ZCCHC4: variants seen among roughly 807,000 people sequenced by gnomAD.
The protein encoded by ZCCHC4 is rRNA N(6)-adenosine-methyltransferase ZCCHC4.
ZCCHC4 carries 54 observed loss-of-function variants against 67.7 expected under a neutral mutation model. That is an observed-to-expected ratio of 0.80 (90% CI 0.64 to 1.00). ZCCHC4 has a LOEUF of 1.00. Ranked by LOEUF, ZCCHC4 falls within the 50% of genes least tolerant of loss-of-function variation. The pLI, the probability that ZCCHC4 is intolerant of heterozygous loss-of-function variation, is 0.00. For synonymous variants in ZCCHC4, 198 were observed against 213.5 expected (o/e 0.93, Z 0.63); for missense variants, 609 against 617.0 (o/e 0.99, Z 0.14).
At chr4:25,326,548 C>T (rs572094395) in intron 3 of ZCCHC4, among the ~76,000 whole-genome samples, 85 of 152,222 alleles carry the variant, frequency 5.6e-4, no homozygotes, top group African/African-American at 2.0e-3. Flanking sequence ...TTCCCTTGAC[C>T]TATAGGTATA....
At chr4:25,327,467 C>T (rs1718951460) in intron 3 of ZCCHC4, among the ~76,000 whole-genome samples, 1 of 150,134 alleles carries the variant, frequency 6.7e-6, no homozygotes, top group African/African-American at 2.5e-5. Context: ...GCTTCGTCCC[C>T]CACCACCCTT....
At chr4:25,315,872 C>T (rs569542478) in intron 3 of ZCCHC4, among the ~76,000 whole-genome samples, 4 of 152,190 alleles carry the variant, frequency 2.6e-5, no homozygotes, top group African/African-American at 9.6e-5. Context: ...GCCACCACAC[C>T]CAGCTAATTT....
chr4:25,335,241 G>C (rs1719395718), intron 5 of ZCCHC4, among the ~76,000 whole-genome samples: 1 of 152,206 alleles, frequency 6.6e-6, no homozygotes, highest in Non-Finnish European at 1.5e-5. Context: ...GAGGTCAGGA[G>C]TGCAAGACCA....
chr4:25,357,082 G>T (rs1720549097), intron 8 of ZCCHC4, among the ~76,000 whole-genome samples: 1 of 152,142 alleles, frequency 6.6e-6, no homozygotes, highest in Admixed American at 6.6e-5. Flanking sequence ...TTCTCATATG[G>T]AGATAAAATA....
At chr4:25,361,779 T>C in intron 8 of ZCCHC4, 80 bp from the exon 9 acceptor site, 1 of 1,378,104 alleles carries the variant, frequency 7.3e-7, no homozygotes, top group Admixed American at 2.2e-5. Context: ...GGCATCAGTT[T>C]GTTCGTTTAT....
Position 25,364,428 on chromosome 4 carries a change from T to G in ZCCHC4, c.1210-26T>G, listed in dbSNP as rs569322403. 2.7e-6 allele frequency: 4 copies of G among 1,477,858 alleles called. No homozygotes were observed. In the South Asian group the frequency reaches 5.8e-5, roughly 21 times the overall value. The allele number at this position is 1,477,858 out of a possible 1,614,324, so 91.5% of individuals were successfully genotyped here. A position where few individuals can be genotyped will look rare whatever the true frequency, so the allele number is the denominator to read the frequency against. ...TTTTTAATAACAAATTAATTATAAT[T>G]TAAAAATTGTTTTTTTTTTTGGTAG... On this transcript the variant is annotated intron_variant, in intron 10 of 12. Coordinates refer to ENST00000302874, the MANE Select transcript of ZCCHC4 (RefSeq NM_024936.3).
At chr4:25,333,831 T>C in intron 4 of ZCCHC4, 77 bp from the exon 5 acceptor site, 1 of 976,742 alleles carries the variant, frequency 1.0e-6, no homozygotes, top group Non-Finnish European at 1.5e-6. Context: ...AGAACATTGA[T>C]GGTTTTGTTG....
intron 1 of ZCCHC4, among the ~76,000 whole-genome samples, chr4:25,313,758 C>A (rs1021744691): frequency 2.6e-5 from 4 of 151,872 alleles, no homozygotes; most frequent in Non-Finnish European, 4.4e-5. Context: ...CCCAGCTACT[C>A]GGGATGCTGA....
At chr4:25,352,128 A>C (rs1720329251) in intron 8 of ZCCHC4, 1 of 986,350 alleles carries the variant, frequency 1.0e-6, no homozygotes, top group Non-Finnish European at 1.2e-6. Flanking sequence ...TGCACACTTT[A>C]CTGCATCACT....
Position 25,345,855 on chromosome 4 carries a change from C to T in ZCCHC4, c.759+235C>T, listed in dbSNP as rs574491869. On this transcript the variant is annotated intron_variant, in intron 6 of 12. Transcript: ENST00000302874. Reference sequence around the variant, plus strand: ...TGAAGGCCCACATTCTTAGAAGGCCCGTGGGGCTCTGTGTGATCTGACCCC... The same window carrying T: ...TGAAGGCCCACATTCTTAGAAGGCCTGTGGGGCTCTGTGTGATCTGACCCC... Among the ~76,000 whole-genome samples the T allele has an allele frequency of 6.0e-4, 92 of 152,262 alleles. 2 individuals are homozygous for T. The highest frequency in any genetic ancestry group is 5.3e-3 in the Admixed American group (81 of 15,284).
intron 3 of ZCCHC4, among the ~76,000 whole-genome samples, chr4:25,332,948 G>A (rs148454344): frequency 7.2e-5 from 11 of 152,252 alleles, no homozygotes; most frequent in Admixed American, 6.5e-4. Context: ...TTCATTCAGT[G>A]ACTAAATTGG....
intron 5 of ZCCHC4, among the ~76,000 whole-genome samples, chr4:25,339,238 C>T (rs1171760414): frequency 6.6e-6 from 1 of 152,198 alleles, no homozygotes; most frequent in African/African-American, 2.4e-5. Context: ...TAGCCACATT[C>T]TGAAGTACTG....
At chr4:25,337,318 T>C (rs1049458232) in intron 5 of ZCCHC4, among the ~76,000 whole-genome samples, 2 of 152,246 alleles carry the variant, frequency 1.3e-5, no homozygotes, top group African/African-American at 4.8e-5. Flanking sequence ...TAGGGCTCCC[T>C]CTTTCTCTCT....
At chr4:25,318,349 C>CTTTTTT (rs528144406) in intron 3 of ZCCHC4, among the ~76,000 whole-genome samples, 113 of 45,518 alleles carry the variant, frequency 2.5e-3, no homozygotes, top group South Asian at 3.7e-3. Flanking sequence ...CACTCTCTCT[C>CTTTTTT]TTTTTTTTTT....
At chr4:25,343,313 T>C (rs1292427322) in intron 5 of ZCCHC4, among the ~76,000 whole-genome samples, 1 of 152,210 alleles carries the variant, frequency 6.6e-6, no homozygotes, top group Non-Finnish European at 1.5e-5. Context: ...AACAGTGTCT[T>C]AAATGACATT....
intron 8 of ZCCHC4, among the ~76,000 whole-genome samples, chr4:25,361,271 GTGT>G (rs1342622823): frequency 6.6e-6 from 1 of 152,220 alleles, no homozygotes; most frequent in African/African-American, 2.4e-5. Flanking sequence ...GTTGCTTTCT[GTGT>G]TGTTGTGTGT....
rs1720774562 is a variant in ZCCHC4, at chr4:25,362,299, A to G, written c.1207A>G (p.Lys403Glu). Residue 403 changes from lysine to glutamate, a missense_variant and splice_region_variant, in exon 10 of 13, where the codon AAG (lysine) becomes GAG (glutamate). Coordinates refer to ENST00000302874, the MANE Select transcript of ZCCHC4 (RefSeq NM_024936.3). ...HCELCNSCTS[K>E]DGRKWNHCFL... ...TGAGCTCTGTAATTCTTGCACATCC[A>G]AGGTATGGTGTTCTTATAGAATGTA... 5 of 1,593,396 alleles carry G rather than the reference A, an allele frequency of 3.1e-6. No homozygotes were observed. Among genetic ancestry groups the G allele is most frequent in the Middle Eastern group, 1.7e-4 (1 of 6,014 alleles).
chr4:25,335,278 C>T (rs974386726), intron 5 of ZCCHC4, among the ~76,000 whole-genome samples: 3 of 152,022 alleles, frequency 2.0e-5, no homozygotes, highest in Non-Finnish European at 2.9e-5. Context: ...GAAACCCTGT[C>T]CCTACTAAAA....
intron 3 of ZCCHC4, among the ~76,000 whole-genome samples, chr4:25,317,607 A>G (rs1394259288): frequency 6.9e-6 from 1 of 144,648 alleles, no homozygotes; most frequent in Non-Finnish European, 1.5e-5. Context: ...GTTACTTGGG[A>G]GGCTGACACA....
Sources: gnomAD v4.1 joint callset for allele counts (sites outside exome capture counted in the v4.1 genomes callset) on GRCh38, gnomAD v4.1.1 for gene constraint, MANE v1.5 for transcripts, NCBI Gene and HGNC (gene_info 2026-07-23, HGNC 2026-07-21) for gene names.